Variants in CEP63 observed in about 807,000 individuals in gnomAD.
CEP63 encodes the protein centrosomal protein 63, also known as centrosomal protein of 63 kDa.
In CEP63, 84 loss-of-function variants were observed where a neutral mutation model predicts 89.1. The ratio of observed to expected loss-of-function variants is 0.94; its 90% confidence interval spans 0.79 to 1.13. The LOEUF (loss-of-function observed/expected upper bound fraction) is 1.13, where lower values mean the gene tolerates loss of function less well. CEP63 is among the 50% of genes most tolerant of loss of function. The probability of loss-of-function intolerance (pLI) is 0.00; values close to 1 mark genes in which losing one functional copy is unlikely to be tolerated. For synonymous variants in CEP63, 267 were observed against 272.5 expected, an observed-to-expected ratio of 0.98 and a Z score of 0.20; for missense variants, 838 against 813.3, an observed-to-expected ratio of 1.03 and a Z score of -0.37.
At chr3:134,756,624 G>A in the CEP63 span, among the ~76,000 whole-genome samples, 25 of 152,188 alleles carry the variant, frequency 1.6e-4, no homozygotes, top group African/African-American at 6.0e-4. Flanking sequence ...AAAGTGCTAG[G>A]ATTACAGGCG....
At chr3:134,566,684 G>C (rs1957771506), downstream of CEP63, among the ~76,000 whole-genome samples, 1 of 152,090 alleles carries the variant, frequency 6.6e-6, no homozygotes, top group African/African-American at 2.4e-5. Context: ...ATGAAAAGAT[G>C]TTCAACATCA....
At chr3:134,748,066 G>A in the CEP63 span, among the ~76,000 whole-genome samples, 1 of 152,176 alleles carries the variant, frequency 6.6e-6, no homozygotes, top group Non-Finnish European at 1.5e-5. Context: ...TTACAGGCAT[G>A]AGCCACCACG....
the CEP63 span, among the ~76,000 whole-genome samples, chr3:134,767,430 G>A: frequency 5.3e-5 from 8 of 152,144 alleles, no homozygotes; most frequent in Non-Finnish European, 1.0e-4. Context: ...AAGTGTTCTG[G>A]CCTTCCACGC....
At chr3:134,623,728 G>A in the CEP63 span, among the ~76,000 whole-genome samples, 2 of 152,092 alleles carry the variant, frequency 1.3e-5, no homozygotes, top group Non-Finnish European at 2.9e-5. Flanking sequence ...TGGAGGTAAG[G>A]TGCACTTTGA....
At chr3:134,758,446 C>T in the CEP63 span, among the ~76,000 whole-genome samples, 4 of 152,264 alleles carry the variant, frequency 2.6e-5, no homozygotes, top group East Asian at 7.7e-4. Flanking sequence ...AACTGGATGG[C>T]TTTACAGCAA....
chr3:134,494,352 G>A (rs1341961255), intron 1 of CEP63, among the ~76,000 whole-genome samples: 2 of 151,728 alleles, frequency 1.3e-5, no homozygotes, highest in African/African-American at 4.8e-5. Flanking sequence ...CTGACCTCAG[G>A]TGATCCGCCT....
chr3:134,528,685 G>A (rs962643174), intron 3 of CEP63, among the ~76,000 whole-genome samples: 5 of 151,972 alleles, frequency 3.3e-5, no homozygotes, highest in African/African-American at 4.8e-5. Flanking sequence ...TTGTCTTTAC[G>A]GGTTATAGCA....
the CEP63 span, among the ~76,000 whole-genome samples, chr3:134,621,133 A>G: frequency 1.8e-4 from 27 of 152,342 alleles, no homozygotes; most frequent in Middle Eastern, 3.4e-3. Flanking sequence ...GGACAGCTGT[A>G]GCAGCCCCTG....
intron 3 of CEP63, among the ~76,000 whole-genome samples, chr3:134,526,108 A>C (rs1242393927): frequency 6.6e-6 from 1 of 152,076 alleles, no homozygotes; most frequent in African/African-American, 2.4e-5. Context: ...AATCCCATAT[A>C]TCTTGGGGGT....
the CEP63 span, among the ~76,000 whole-genome samples, chr3:134,778,014 C>T: frequency 6.6e-6 from 1 of 152,032 alleles, no homozygotes; most frequent in Non-Finnish European, 1.5e-5. Flanking sequence ...ACACAGTCTT[C>T]TCTCATTTGT....
chr3:134,572,903 G>A (rs1958072511), intron 11 of CEP63, among the ~76,000 whole-genome samples: 2 of 152,116 alleles, frequency 1.3e-5, no homozygotes, highest in South Asian at 2.1e-4. Flanking sequence ...TTTTCTCTGC[G>A]ACCACACCAG....
chr3:134,646,683 G>A, the CEP63 span, among the ~76,000 whole-genome samples: 1 of 152,128 alleles, frequency 6.6e-6, no homozygotes, highest in African/African-American at 2.4e-5. Context: ...ATGGAGGGTG[G>A]TTCCTTTACA....
the CEP63 span, among the ~76,000 whole-genome samples, chr3:134,766,525 T>A: frequency 2.6e-5 from 4 of 152,258 alleles, no homozygotes; most frequent in East Asian, 7.7e-4. Flanking sequence ...GGCTACCTTG[T>A]AGGGACTTGT....
At chr3:134,669,185 G>A in the CEP63 span, among the ~76,000 whole-genome samples, 4 of 151,760 alleles carry the variant, frequency 2.6e-5, no homozygotes, top group Non-Finnish European at 4.4e-5. Flanking sequence ...GCCCCTACAC[G>A]CGGCTTAATT....
the CEP63 span, among the ~76,000 whole-genome samples, chr3:134,639,065 T>G: frequency 2.1e-5 from 3 of 144,632 alleles, no homozygotes; most frequent in Non-Finnish European, 4.5e-5. Flanking sequence ...TTTTTCTACT[T>G]TGGAGTTTTT....
chr3:134,610,846 A>G, the CEP63 span: 2 of 154,200 alleles, frequency 1.3e-5, no homozygotes, highest in East Asian at 1.9e-4. Context: ...GCTTCTGGAC[A>G]TGCGACTGAA....
intron 6 of CEP63, among the ~76,000 whole-genome samples, chr3:134,538,941 T>C (rs1394379991): frequency 2.6e-5 from 4 of 152,196 alleles, no homozygotes; most frequent in Non-Finnish European, 5.9e-5. Flanking sequence ...GTAATTCAGC[T>C]AGGGCTAGGG....
chr3:134,693,144 T>C, the CEP63 span, among the ~76,000 whole-genome samples: 23 of 152,208 alleles, frequency 1.5e-4, no homozygotes, highest in African/African-American at 5.5e-4. Context: ...GGGATGGTCA[T>C]ATAACACAGT....
chr3:134,575,811 C>T (rs56899746), downstream of CEP63, among the ~76,000 whole-genome samples: 48,142 of 151,810 alleles, frequency 0.32, 7,907 homozygotes, highest in African/African-American at 0.35. Context: ...TGGGGTTTCC[C>T]TATGTTGCCC....
Sources: gnomAD v4.1 joint callset for allele counts (sites outside exome capture counted in the v4.1 genomes callset) on GRCh38, gnomAD v4.1.1 for gene constraint, MANE v1.5 for transcripts, NCBI Gene and HGNC (gene_info 2026-07-23, HGNC 2026-07-21) for gene names.